The following TSHZ3 variants were observed in gnomAD, a reference collection of about 807,000 sequenced individuals.
TSHZ3 encodes teashirt zinc finger homeobox 3.
Under a neutral mutation model 64.5 loss-of-function variants are expected in TSHZ3, and 10 were observed. The observed-to-expected ratio is 0.16, with a 90% CI of 0.10 to 0.26. The LOEUF (loss-of-function observed/expected upper bound fraction) is 0.26, where lower values mean the gene tolerates loss of function less well. TSHZ3 is among the 10% of genes least tolerant of loss of function. TSHZ3 has a pLI of 1.00. For synonymous variants in TSHZ3, 608 were observed against 593.1 expected (o/e 1.03, Z -0.36); for missense variants, 1,242 against 1,421.7 (o/e 0.87, Z 2.03).
intron 1 of TSHZ3, among the ~76,000 whole-genome samples, chr19:31,302,760 A>G (rs1307578946): frequency 6.6e-6 from 1 of 152,160 alleles, no homozygotes; most frequent in East Asian, 1.9e-4. Context: ...TTCATCCTCA[A>G]ATTGCACTTC....
chr19:31,331,149 G>A (rs1413814706), intron 1 of TSHZ3, among the ~76,000 whole-genome samples: 3 of 152,094 alleles, frequency 2.0e-5, no homozygotes, highest in Admixed American at 6.5e-5. Context: ...AGAGACCCCC[G>A]GGCTGAACCA....
At chr19:31,168,191 C>A (rs917130940) in intron 5 of TSHZ3, among the ~76,000 whole-genome samples, 17 of 151,922 alleles carry the variant, frequency 1.1e-4, no homozygotes, top group Non-Finnish European at 2.9e-5. Flanking sequence ...TTATGCATGC[C>A]ATTGTTGCTG....
At chr19:31,288,020 G>A (rs1207709379) in intron 1 of TSHZ3, among the ~76,000 whole-genome samples, 4 of 152,106 alleles carry the variant, frequency 2.6e-5, no homozygotes, top group East Asian at 3.9e-4. Context: ...CTGCAGCCCC[G>A]AACTCCTGGA....
chr19:31,303,096 T>C (rs1414541978), intron 1 of TSHZ3, among the ~76,000 whole-genome samples: 1 of 152,148 alleles, frequency 6.6e-6, no homozygotes, highest in African/African-American at 2.4e-5. Flanking sequence ...TCAAATACGT[T>C]TGAACAAACA....
chr19:31,233,849 A>G (rs535932176), intron 3 of TSHZ3, among the ~76,000 whole-genome samples: 2 of 151,766 alleles, frequency 1.3e-5, no homozygotes, highest in South Asian at 2.1e-4. Flanking sequence ...TGAGTCCTCC[A>G]ATTTCGTTCT....
At chr19:31,265,397 C>CAAA (rs11432951) in intron 1 of TSHZ3, among the ~76,000 whole-genome samples, 353 of 33,852 alleles carry the variant, frequency 0.01, 6 homozygotes, top group African/African-American at 0.024. Context: ...AACTCTGTCT[C>CAAA]AAAAAAAAAA....
At chr19:31,206,647 A>T (rs1267178652) in intron 4 of TSHZ3, among the ~76,000 whole-genome samples, 6 of 148,222 alleles carry the variant, frequency 4.0e-5, no homozygotes, top group African/African-American at 1.3e-4. Flanking sequence ...GTTATTCTTT[A>T]AAAAAAAACT....
intron 6 of TSHZ3, among the ~76,000 whole-genome samples, chr19:31,152,650 G>A (rs554474621): frequency 2.0e-5 from 3 of 152,218 alleles, no homozygotes; most frequent in East Asian, 1.9e-4. Flanking sequence ...TAGAGTTCCT[G>A]ATTAGGGATG....
intron 5 of TSHZ3, among the ~76,000 whole-genome samples, chr19:31,186,801 C>A (rs1228961276): frequency 1.3e-5 from 2 of 152,040 alleles, no homozygotes; most frequent in African/African-American, 4.8e-5. Context: ...TAATTTTCAT[C>A]CTCCTTCTGA....
At chr19:31,176,812 A>G (rs969233242) in intron 5 of TSHZ3, among the ~76,000 whole-genome samples, 2 of 152,104 alleles carry the variant, frequency 1.3e-5, no homozygotes, top group Admixed American at 6.5e-5. Context: ...CTGAAAAACA[A>G]CAACAACAAC....
At chr19:31,271,672 G>A (rs1976141172), downstream of TSHZ3, among the ~76,000 whole-genome samples, 1 of 152,152 alleles carries the variant, frequency 6.6e-6, no homozygotes, top group Admixed American at 6.5e-5. Flanking sequence ...TGTTTTCTGA[G>A]GTCAGCTGAA....
In TSHZ3 at chr19:31,333,780, G is replaced by C. The variant is rs368259381; in HGVS notation, c.40+15400C>G. ...CAGGCCCCCATGAAACTTGGCCAGC[G>C]CGTTCCCGTTAAAAATGGTCCTGCC... On this transcript the variant is annotated intron_variant, in intron 1 of 1. Coordinates refer to ENST00000240587, the MANE Select transcript of TSHZ3 (RefSeq NM_020856.4). 5.3e-5 allele frequency among the ~76,000 whole-genome samples: 8 copies of C among 152,192 alleles called. No homozygotes were observed. In the South Asian group the frequency reaches 6.2e-4, roughly 12 times the overall value.
chr19:31,184,798 G>A (rs776888992), intron 5 of TSHZ3, among the ~76,000 whole-genome samples: 3 of 152,264 alleles, frequency 2.0e-5, no homozygotes, highest in South Asian at 2.1e-4. Flanking sequence ...GTTTATCACC[G>A]CGGCTTCATA....
At chr19:31,280,374 C>A (rs1352893360) in intron 1 of TSHZ3, among the ~76,000 whole-genome samples, 1 of 150,760 alleles carries the variant, frequency 6.6e-6, no homozygotes, top group African/African-American at 2.4e-5. Flanking sequence ...AAAAGCAGGT[C>A]TCAGAAAAGC....
intron 1 of TSHZ3, among the ~76,000 whole-genome samples, chr19:31,258,872 C>A (rs80277370): frequency 6.6e-6 from 1 of 152,130 alleles, no homozygotes; most frequent in African/African-American, 2.4e-5. Context: ...CCCATCGGGT[C>A]GATTCCTCTA....
At chr19:31,235,297 T>C (rs1975591210) in intron 3 of TSHZ3, among the ~76,000 whole-genome samples, 3 of 152,220 alleles carry the variant, frequency 2.0e-5, no homozygotes, top group Admixed American at 6.5e-5. Flanking sequence ...CCAGGACTTA[T>C]GTATCCCAAA....
intron 1 of TSHZ3, among the ~76,000 whole-genome samples, chr19:31,348,510 G>T (rs1051528468): frequency 6.6e-6 from 1 of 150,800 alleles, no homozygotes; most frequent in African/African-American, 2.4e-5. Context: ...ACTCAGACAC[G>T]TCCCAGAACT....
chr19:31,323,553 G>C (rs964104332), intron 1 of TSHZ3, among the ~76,000 whole-genome samples: 2 of 151,910 alleles, frequency 1.3e-5, no homozygotes, highest in South Asian at 2.1e-4. Context: ...CCTCTACACA[G>C]CTTCATTGTC....
At chr19:31,349,124 G>T (rs1461565687) in intron 1 of TSHZ3, 56 bp downstream of exon 1, 1 of 1,521,072 alleles carries the variant, frequency 6.6e-7, no homozygotes. Context: ...CTGGAGGCGC[G>T]GGGCGAGCGG....
Sources: gnomAD v4.1 joint callset for allele counts (sites outside exome capture counted in the v4.1 genomes callset) on GRCh38, gnomAD v4.1.1 for gene constraint, MANE v1.5 for transcripts, NCBI Gene and HGNC (gene_info 2026-07-23, HGNC 2026-07-21) for gene names.